LRRC4C: variants seen among roughly 807,000 people sequenced by gnomAD.
LRRC4C encodes leucine rich repeat containing 4C.
In LRRC4C, 5 loss-of-function variants were observed where a neutral mutation model predicts 33.6. That is an observed-to-expected ratio of 0.15 (90% CI 0.08 to 0.31). The LOEUF is 0.31. Ranked by LOEUF, LRRC4C falls within the 10% of genes least tolerant of loss-of-function variation. LRRC4C has a pLI of 1.00. For synonymous variants in LRRC4C, 329 were observed against 302.0 expected (o/e 1.09, Z -0.93); for missense variants, 560 against 796.7 (o/e 0.70, Z 3.58).
chr11:41,102,152 T>A (rs1304366503), intron 1 of LRRC4C, among the ~76,000 whole-genome samples: 3 of 152,010 alleles, frequency 2.0e-5, no homozygotes. Flanking sequence ...TAAAAAAAAG[T>A]AATTTTAATA....
At chr11:41,231,885 G>A (rs1365801076) in intron 1 of LRRC4C, among the ~76,000 whole-genome samples, 1 of 151,372 alleles carries the variant, frequency 6.6e-6, no homozygotes, top group African/African-American at 2.4e-5. Context: ...GAATCCATGG[G>A]TCTTTTTAGT....
chr11:40,472,676 G>GT (rs974610953), intron 3 of LRRC4C, among the ~76,000 whole-genome samples: 4 of 151,832 alleles, frequency 2.6e-5, no homozygotes, highest in Non-Finnish European at 4.4e-5. Context: ...CCAGGAGCTG[G>GT]TTTTTTGAAA....
At chr11:40,757,568 A>AGTT (rs970368507) in intron 2 of LRRC4C, among the ~76,000 whole-genome samples, 2 of 146,730 alleles carry the variant, frequency 1.4e-5, no homozygotes, top group African/African-American at 5.0e-5. Flanking sequence ...CTGCTTCCCA[A>AGTT]GTTGTATGCC....
intron 3 of LRRC4C, among the ~76,000 whole-genome samples, chr11:40,637,707 C>A (rs1393324908): frequency 6.6e-6 from 1 of 152,140 alleles, no homozygotes; most frequent in African/African-American, 2.4e-5. Context: ...AGAATCCAAC[C>A]AGTTCTTACC....
chr11:40,725,530 A>C (rs2136721166), intron 2 of LRRC4C, among the ~76,000 whole-genome samples: 1 of 151,702 alleles, frequency 6.6e-6, no homozygotes, highest in African/African-American at 2.4e-5. Context: ...AAAAAAAAAG[A>C]AGAAGAACTG....
chr11:40,502,443 T>C (rs1393107983), intron 3 of LRRC4C, among the ~76,000 whole-genome samples: 1 of 152,188 alleles, frequency 6.6e-6, no homozygotes, highest in Non-Finnish European at 1.5e-5. Context: ...CAGTTCCATG[T>C]GACTTGGGAA....
intron 1 of LRRC4C, among the ~76,000 whole-genome samples, chr11:41,005,006 A>ATTATT (rs371065177): frequency 0.17 from 25,426 of 151,368 alleles, 2,257 homozygotes; most frequent in Middle Eastern, 0.26. Context: ...TTATTATTAT[A>ATTATT]ATTATTACAG....
At chr11:40,474,332 A>G (rs1953099678) in intron 3 of LRRC4C, among the ~76,000 whole-genome samples, 1 of 152,224 alleles carries the variant, frequency 6.6e-6, no homozygotes, top group Non-Finnish European at 1.5e-5. Context: ...GCAATGGGGA[A>G]AAGATTCCCT....
intron 2 of LRRC4C, among the ~76,000 whole-genome samples, chr11:40,774,776 T>C (rs537298770): frequency 6.6e-6 from 1 of 152,216 alleles, no homozygotes; most frequent in Non-Finnish European, 1.5e-5. Context: ...ACACAAAAAG[T>C]GATAATGGGA....
At chr11:41,397,672 A>T (rs1953871917) in intron 1 of LRRC4C, among the ~76,000 whole-genome samples, 1 of 71,858 alleles carries the variant, frequency 1.4e-5, no homozygotes, top group Non-Finnish European at 4.2e-5. Context: ...AATGTGAACA[A>T]AAACTAAAAA....
intron 2 of LRRC4C, among the ~76,000 whole-genome samples, chr11:40,871,525 C>T (rs1386734201): frequency 6.6e-6 from 1 of 152,104 alleles, no homozygotes. Flanking sequence ...TCACCCGATA[C>T]AGGGCCCAGT....
intron 4 of LRRC4C, among the ~76,000 whole-genome samples, chr11:40,284,165 G>T (rs540615452): frequency 2.9e-4 from 44 of 152,306 alleles, no homozygotes; most frequent in African/African-American, 9.9e-4. Flanking sequence ...CCCAAAGGAG[G>T]TAACTTGCTC....
chr11:40,556,969 T>C (rs1448199304), intron 3 of LRRC4C, among the ~76,000 whole-genome samples: 2 of 152,026 alleles, frequency 1.3e-5, no homozygotes, highest in Non-Finnish European at 2.9e-5. Flanking sequence ...ATCATACTCA[T>C]ACATTACTAA....
At chr11:41,253,536 T>C (rs890423912) in intron 1 of LRRC4C, among the ~76,000 whole-genome samples, 11 of 152,108 alleles carry the variant, frequency 7.2e-5, no homozygotes, top group Admixed American at 2.6e-4. Flanking sequence ...ACTGTGATAA[T>C]AGGCTAAAAG....
intron 1 of LRRC4C, among the ~76,000 whole-genome samples, chr11:41,275,393 T>A (rs982828872): frequency 6.6e-6 from 1 of 152,164 alleles, no homozygotes; most frequent in Non-Finnish European, 1.5e-5. Flanking sequence ...TTTTTGCAAC[T>A]CTATTCAAAC....
rs552055307 is a variant in LRRC4C, at chr11:40,202,429, G to A, written c.-96+39090C>T. 5.9e-5 allele frequency among the ~76,000 whole-genome samples: 9 copies of A among 152,130 alleles called. No individual in the cohort carries two copies. The East Asian group carries it at 1.6e-3, about 26-fold the overall frequency. On this transcript the variant is annotated intron_variant, in intron 5 of 6. Transcript: ENST00000528697. ...AGGTGAAGGGAAAGTCAAGCAGGGA[G>A]AGGAAAGCTGAGTTATAATTCTCCC...
intron 1 of LRRC4C, among the ~76,000 whole-genome samples, chr11:41,134,807 C>T (rs923541895): frequency 2.5e-4 from 38 of 152,110 alleles, no homozygotes; most frequent in African/African-American, 8.4e-4. Context: ...AAGGTTAGGA[C>T]ATCAACATAT....
At chr11:40,608,980 G>A (rs532304531) in intron 3 of LRRC4C, among the ~76,000 whole-genome samples, 1 of 152,230 alleles carries the variant, frequency 6.6e-6, no homozygotes, top group South Asian at 2.1e-4. Flanking sequence ...ATCATAGTAG[G>A]AGACTTCAAT....
chr11:40,907,580 T>A (rs1956477930), intron 2 of LRRC4C, among the ~76,000 whole-genome samples: 1 of 152,160 alleles, frequency 6.6e-6, no homozygotes, highest in Non-Finnish European at 1.5e-5. Context: ...ATAGAAACAG[T>A]GAAAGAAGCT....
Sources: gnomAD v4.1 joint callset for allele counts (sites outside exome capture counted in the v4.1 genomes callset) on GRCh38, gnomAD v4.1.1 for gene constraint, MANE v1.5 for transcripts, NCBI Gene and HGNC (gene_info 2026-07-23, HGNC 2026-07-21) for gene names.